Variants in CORIN observed in about 807,000 individuals in gnomAD.
CORIN encodes atrial natriuretic peptide-converting enzyme.
CORIN carries 117 observed loss-of-function variants against 125.3 expected under a neutral mutation model. The observed-to-expected ratio is 0.93, with a 90% CI of 0.80 to 1.09. The LOEUF (loss-of-function observed/expected upper bound fraction) is 1.09. Among genes scored for constraint, CORIN ranks in the 50% least tolerant of loss-of-function variants. The pLI is 0.00. For missense variants in CORIN, 1,253 were observed against 1,306.7 expected (o/e 0.96, Z 0.63); for synonymous variants, 450 against 466.4 (o/e 0.96, Z 0.45).
chr4:47,689,413 C>A (rs1470329786), intron 6 of CORIN, among the ~76,000 whole-genome samples: 1 of 152,130 alleles, frequency 6.6e-6, no homozygotes, highest in Admixed American at 6.5e-5. Context: ...GAAACCTAAG[C>A]AGCCTGACTC....
chr4:47,656,821 T>G (rs1353099668), intron 12 of CORIN, among the ~76,000 whole-genome samples: 1 of 152,178 alleles, frequency 6.6e-6, no homozygotes, highest in African/African-American at 2.4e-5. Flanking sequence ...GCCATCCAAA[T>G]TGGAAATGAA....
At chr4:47,819,284 C>T (rs1331098872) in intron 1 of CORIN, among the ~76,000 whole-genome samples, 1 of 152,142 alleles carries the variant, frequency 6.6e-6, no homozygotes, top group African/African-American at 2.4e-5. Flanking sequence ...TCATATTTCT[C>T]ACTATGGGAG....
intron 19 of CORIN, among the ~76,000 whole-genome samples, chr4:47,604,904 C>T (rs1280409660): frequency 3.3e-5 from 5 of 152,182 alleles, no homozygotes; most frequent in African/African-American, 9.7e-5. Context: ...TCTCCAAAAG[C>T]TTTGTATCAC....
At chr4:47,743,910 A>C (rs930780326) in intron 5 of CORIN, among the ~76,000 whole-genome samples, 4 of 152,152 alleles carry the variant, frequency 2.6e-5, no homozygotes, top group Non-Finnish European at 5.9e-5. Context: ...AGACATGCAC[A>C]AGAATAGTAA....
chr4:47,684,183 ACT>A (rs1488429281), intron 6 of CORIN, among the ~76,000 whole-genome samples: 1 of 152,192 alleles, frequency 6.6e-6, no homozygotes, highest in Non-Finnish European at 1.5e-5. Context: ...GACTTTAGTA[ACT>A]CTTATGTTTT....
intron 15 of CORIN, among the ~76,000 whole-genome samples, chr4:47,642,286 C>T (rs146079372): frequency 3.3e-5 from 5 of 152,254 alleles, no homozygotes; most frequent in African/African-American, 1.2e-4. Flanking sequence ...ATGAAAGAGA[C>T]AGGCAGTTCT....
At position 47,648,448 on chromosome 4, in the gene CORIN, T is replaced by A. The variant is rs537648511; in HGVS notation, c.1844-3254A>T. ...GTCCCAGGCAGATCTGGTTGACTGG[T>A]CACACTAAGTGTGCTAAGCATTCAT... On this transcript the variant is annotated intron_variant, in intron 13 of 21. Transcript: ENST00000273857. Among the ~76,000 whole-genome samples, 5 of 152,308 alleles carry A rather than the reference T, an allele frequency of 3.3e-5. No individual in the cohort carries two copies. The South Asian group carries it at 8.3e-4, about 25-fold the overall frequency.
At position 47,720,422 on chromosome 4, in the gene CORIN, C is replaced by CT. The variant is rs566618351; in HGVS notation, c.799+23979dup. Among the ~76,000 whole-genome samples, 49 of 152,108 alleles carry CT rather than the reference C, an allele frequency of 3.2e-4. 1 individual carries two copies. In the South Asian group the frequency reaches 6.7e-3, roughly 21 times the overall value. ...TTCGCAGTTCTAAACTAAATAACCA[C>CT]TTTTTTTTGGTACTGTGTTGAGATT... On this transcript the variant is annotated intron_variant, in intron 5 of 21. Transcript: ENST00000273857.
At chr4:47,821,775 TA>T (rs2109976338) in intron 1 of CORIN, among the ~76,000 whole-genome samples, 1 of 152,324 alleles carries the variant, frequency 6.6e-6, no homozygotes, top group Admixed American at 6.5e-5. Flanking sequence ...ATAAATGTTT[TA>T]AACTATGTAT....
intron 5 of CORIN, among the ~76,000 whole-genome samples, chr4:47,723,395 C>T (rs1201484412): frequency 6.6e-6 from 1 of 152,090 alleles, no homozygotes; most frequent in African/African-American, 2.4e-5. Context: ...AAATAGAATA[C>T]CAAAAGCTTT....
intron 4 of CORIN, among the ~76,000 whole-genome samples, chr4:47,757,878 G>GTATATA (rs59621469): frequency 0.015 from 1,828 of 123,818 alleles, 20 homozygotes; most frequent in African/African-American, 0.023. Flanking sequence ...ATATATATAT[G>GTATATA]TATATATATA....
At chr4:47,731,931 T>G (rs1727894023) in intron 5 of CORIN, among the ~76,000 whole-genome samples, 2 of 151,958 alleles carry the variant, frequency 1.3e-5, no homozygotes, top group South Asian at 4.2e-4. Context: ...TGAGAACTAC[T>G]ATGGGATATA....
chr4:47,815,326 A>G (rs562527640), intron 1 of CORIN, among the ~76,000 whole-genome samples: 15 of 152,186 alleles, frequency 9.9e-5, no homozygotes, highest in South Asian at 2.1e-4. Flanking sequence ...TTTTTAACAC[A>G]TAGTTCAGAG....
rs1577746467 is a variant in CORIN at position 47,622,253 on chromosome 4, T to G, written c.2540+1318A>C. On this transcript the variant is annotated intron_variant, in intron 19 of 21. Transcript: ENST00000273857. ...TTTTCTTAATCCAGTCTATCATTGT[T>G]GGACATTTGGGTTGGTTCCAAGTCC... 3.3e-5 allele frequency among the ~76,000 whole-genome samples: 5 copies of G among 152,110 alleles called. 1 individual carries two copies. Among genetic ancestry groups the G allele is most frequent in the African/African-American group, 1.2e-4 (5 of 41,480 alleles).
intron 6 of CORIN, among the ~76,000 whole-genome samples, chr4:47,687,837 T>C (rs143035020): frequency 2.9e-4 from 44 of 152,306 alleles, no homozygotes; most frequent in Non-Finnish European, 5.0e-4. Flanking sequence ...AGCAGAACCA[T>C]GAGAAGAACC....
chr4:47,680,545 G>T (rs1725230450), intron 7 of CORIN: 3 of 270,020 alleles, frequency 1.1e-5, no homozygotes, highest in Non-Finnish European at 2.1e-5. Context: ...TTCTTTAGTT[G>T]TCATTTTCTT....
At chr4:47,751,810 T>A (rs1728914512) in intron 4 of CORIN, among the ~76,000 whole-genome samples, 1 of 152,174 alleles carries the variant, frequency 6.6e-6, no homozygotes, top group Non-Finnish European at 1.5e-5. Flanking sequence ...CATCTAGCAG[T>A]GTGCCTGGCA....
chr4:47,768,173 A>G (rs1361341974), intron 3 of CORIN, among the ~76,000 whole-genome samples: 1 of 152,002 alleles, frequency 6.6e-6, no homozygotes, highest in Non-Finnish European at 1.5e-5. Flanking sequence ...ATTTTCCACT[A>G]TCCACCCAAA....
At chr4:47,786,315 A>G (rs1730804900) in intron 3 of CORIN, among the ~76,000 whole-genome samples, 1 of 151,906 alleles carries the variant, frequency 6.6e-6, no homozygotes, top group Admixed American at 6.6e-5. Context: ...CGGGCGGATC[A>G]CTTGAGGTCA....
Sources: allele counts gnomAD v4.1 joint callset (sites outside exome capture counted in the v4.1 genomes callset), GRCh38; gene constraint gnomAD v4.1.1; transcripts MANE v1.5; gene names NCBI Gene and HGNC (gene_info 2026-07-23, HGNC 2026-07-21).